Variants in NRXN1 observed in about 807,000 individuals in gnomAD.
The protein encoded by NRXN1 is neurexin 1, also known as neurexin-1.
Under a neutral mutation model 150.9 loss-of-function variants are expected in NRXN1, and 39 were observed. The ratio of observed to expected loss-of-function variants is 0.26; its 90% CI spans 0.20 to 0.34. NRXN1 has a LOEUF of 0.34. Among genes scored for constraint, NRXN1 ranks in the 10% least tolerant of loss-of-function variants. NRXN1 has a pLI of 1.00. For missense variants in NRXN1, 1,815 were observed against 1,949.9 expected, an observed-to-expected ratio of 0.93 and a Z score of 1.30; for synonymous variants, 924 against 757.0, an observed-to-expected ratio of 1.22 and a Z score of -3.62.
intron 5 of NRXN1, among the ~76,000 whole-genome samples, chr2:50,884,326 GTTT>G (rs1256422179): frequency 1.3e-5 from 2 of 151,624 alleles, no homozygotes; most frequent in East Asian, 3.9e-4. Context: ...TGTCAATTTA[GTTT>G]TTTAGCAATT....
At chr2:50,106,955 C>G (rs775993325) in intron 18 of NRXN1, among the ~76,000 whole-genome samples, 14 of 151,896 alleles carry the variant, frequency 9.2e-5, no homozygotes, top group Non-Finnish European at 2.1e-4. Flanking sequence ...TTGACATTGG[C>G]ACAGACCACC....
At chr2:50,786,684 G>A (rs1016977961) in intron 5 of NRXN1, among the ~76,000 whole-genome samples, 13 of 152,098 alleles carry the variant, frequency 8.5e-5, no homozygotes, top group African/African-American at 3.1e-4. Context: ...GTGACACAGA[G>A]AGAAACCGTG....
At chr2:50,301,568 C>A (rs544531493) in intron 17 of NRXN1, among the ~76,000 whole-genome samples, 1 of 152,254 alleles carries the variant, frequency 6.6e-6, no homozygotes, top group East Asian at 1.9e-4. Context: ...TGATTTTCTT[C>A]TTCAACAAGG....
At chr2:49,940,155 G>A (rs898118082) in intron 22 of NRXN1, among the ~76,000 whole-genome samples, 1 of 152,116 alleles carries the variant, frequency 6.6e-6, no homozygotes, top group Admixed American at 6.6e-5. Flanking sequence ...TACTTAGGGA[G>A]AGTGAGGTAC....
At chr2:50,972,427 G>C (rs1695151348) in intron 2 of NRXN1, among the ~76,000 whole-genome samples, 2 of 152,174 alleles carry the variant, frequency 1.3e-5, no homozygotes, top group South Asian at 2.1e-4. Context: ...CAGTGACTTA[G>C]AGCAGCGATC....
intron 21 of NRXN1, among the ~76,000 whole-genome samples, chr2:50,037,941 T>C (rs997103953): frequency 7.9e-5 from 12 of 152,154 alleles, no homozygotes; most frequent in African/African-American, 2.9e-4. Context: ...ACCAGATTAA[T>C]TGCGGCCATA....
intron 17 of NRXN1, among the ~76,000 whole-genome samples, chr2:50,428,029 G>C (rs2084646024): frequency 6.6e-6 from 1 of 152,106 alleles, no homozygotes; most frequent in Non-Finnish European, 1.5e-5. Flanking sequence ...CTTCTTTATA[G>C]GCAATCTTCT....
chr2:50,374,826 T>C (rs918405683), intron 17 of NRXN1, among the ~76,000 whole-genome samples: 7 of 152,208 alleles, frequency 4.6e-5, no homozygotes, highest in Admixed American at 6.5e-5. Context: ...GTTTGAATGC[T>C]TGCAACTGCA....
intron 21 of NRXN1, among the ~76,000 whole-genome samples, chr2:50,006,904 T>C (rs748008380): frequency 2.6e-5 from 4 of 152,144 alleles, no homozygotes; most frequent in Non-Finnish European, 5.9e-5. Flanking sequence ...GATTTAGCAA[T>C]GAAACAGGCT....
At chr2:50,504,512 A>G (rs1348953014) in intron 13 of NRXN1, among the ~76,000 whole-genome samples, 2 of 152,256 alleles carry the variant, frequency 1.3e-5, no homozygotes, top group South Asian at 4.1e-4. Context: ...TATTCTTTGT[A>G]TTATTTTTGG....
At chr2:49,957,682 A>T (rs1675221005) in intron 21 of NRXN1, among the ~76,000 whole-genome samples, 1 of 152,178 alleles carries the variant, frequency 6.6e-6, no homozygotes, top group African/African-American at 2.4e-5. Flanking sequence ...GCATTTGTCA[A>T]ATCATATTTG....
At chr2:50,076,888 A>G (rs2152678257) in intron 19 of NRXN1, among the ~76,000 whole-genome samples, 1 of 152,340 alleles carries the variant, frequency 6.6e-6, no homozygotes, top group East Asian at 1.9e-4. Context: ...TCACAACCTT[A>G]GCACAACAAA....
At chr2:50,124,342 G>A (rs769708988) in intron 18 of NRXN1, among the ~76,000 whole-genome samples, 6 of 152,062 alleles carry the variant, frequency 3.9e-5, no homozygotes, top group Non-Finnish European at 8.8e-5. Flanking sequence ...AGGGAATTGA[G>A]ACTGAGTCAA....
chr2:50,629,015 A>G (rs894236136), intron 5 of NRXN1, among the ~76,000 whole-genome samples: 2 of 151,868 alleles, frequency 1.3e-5, no homozygotes, highest in Non-Finnish European at 3.0e-5. Context: ...TGGGGCAACT[A>G]GAACTCTCAT....
chr2:49,954,004 C>A (rs922131031), intron 21 of NRXN1, among the ~76,000 whole-genome samples: 9 of 151,926 alleles, frequency 5.9e-5, no homozygotes, highest in African/African-American at 2.2e-4. Flanking sequence ...GCATATGTAT[C>A]CCAGAACTTA....
chr2:50,692,586 T>C (rs1692229762), intron 5 of NRXN1, among the ~76,000 whole-genome samples: 1 of 152,200 alleles, frequency 6.6e-6, no homozygotes, highest in Admixed American at 6.5e-5. Context: ...ATCAATCATC[T>C]ACCACAACTT....
At chr2:50,385,298 G>C (rs940998256) in intron 17 of NRXN1, among the ~76,000 whole-genome samples, 27 of 152,122 alleles carry the variant, frequency 1.8e-4, no homozygotes, top group Admixed American at 1.5e-3. Context: ...CCTAGACACT[G>C]TTCATGTACA....
At chr2:50,132,521 G>A (rs1005473387) in intron 18 of NRXN1, among the ~76,000 whole-genome samples, 6 of 152,006 alleles carry the variant, frequency 3.9e-5, no homozygotes, top group Non-Finnish European at 8.8e-5. Flanking sequence ...TAGCCAGGAT[G>A]GTCTTGATCT....
At chr2:50,256,739 G>T (rs1323726115) in intron 17 of NRXN1, among the ~76,000 whole-genome samples, 2 of 152,060 alleles carry the variant, frequency 1.3e-5, no homozygotes, top group Non-Finnish European at 2.9e-5. Flanking sequence ...AGGGTCTATT[G>T]ACTAACTTCT....
Sources: gnomAD v4.1 joint callset for allele counts (sites outside exome capture counted in the v4.1 genomes callset) on GRCh38, gnomAD v4.1.1 for gene constraint, MANE v1.5 for transcripts, NCBI Gene and HGNC (gene_info 2026-07-23, HGNC 2026-07-21) for gene names.